Variants in SMYD5 observed in about 807,000 individuals in gnomAD.
SMYD5 encodes the protein protein-lysine N-trimethyltransferase SMYD5.
A neutral mutation model predicts 57.4 loss-of-function variants in SMYD5; 35 were observed. That is an observed-to-expected ratio of 0.61 (90% CI 0.47 to 0.81). The LOEUF is 0.81. Among genes scored for constraint, SMYD5 ranks in the 30% least tolerant of loss-of-function variants. The pLI, the probability that SMYD5 is intolerant of heterozygous loss-of-function variation, is 0.00. For missense variants in SMYD5, 471 were observed against 527.9 expected (o/e 0.89, Z 1.06); for synonymous variants, 198 against 189.7 (o/e 1.04, Z -0.36).
In SMYD5 at chr2:73,220,520, A is replaced by G. The variant is rs1478304521; in HGVS notation, c.346-141A>G. 4.8e-5 allele frequency: 48 copies of G among 1,008,318 alleles called. No individual in the cohort carries two copies. The Admixed American group carries it at 1.1e-3, about 23-fold the overall frequency. The allele number at this position is 1,008,318 out of a possible 1,614,324, so 62.5% of individuals were successfully genotyped here. A position where few individuals can be genotyped will look rare whatever the true frequency, so the allele number is the denominator to read the frequency against. On this transcript the variant is annotated intron_variant, in intron 3 of 12. Transcript: ENST00000389501. ...TTGCAAGCCTAGGTGTGCCTTTCACATATCCCCAGAGCACCCTATGTTTTC... is the reference window on the plus strand; with the variant it reads ...TTGCAAGCCTAGGTGTGCCTTTCACGTATCCCCAGAGCACCCTATGTTTTC...
chr2:73,221,031 A>C lies in SMYD5; in HGVS notation c.468-134A>C, dbSNP rs372993095. The C allele has an allele frequency of 5.1e-4, 457 of 894,776 alleles. 6 individuals carry two copies. In the South Asian group the frequency reaches 6.8e-3, roughly 13 times the overall value. 55.4% of individuals were successfully genotyped at this position (894,776 alleles called of 1,614,324 possible). A position where few individuals can be genotyped will look rare whatever the true frequency, so the allele number is the denominator to read the frequency against. Reference sequence around the variant, plus strand: ...CAATAGGGATGCAAAGTCTTGCCTAAGTCCTTGTCTATGACTTTCCTGGTA... The same window carrying C: ...CAATAGGGATGCAAAGTCTTGCCTACGTCCTTGTCTATGACTTTCCTGGTA... On this transcript the variant is annotated intron_variant, in intron 4 of 12. Coordinates refer to ENST00000389501, the MANE Select transcript of SMYD5 (RefSeq NM_006062.3).
intron 6 of SMYD5, among the ~76,000 whole-genome samples, chr2:73,222,293 GT>G (rs1439188872): frequency 3.3e-5 from 5 of 152,224 alleles, no homozygotes; most frequent in African/African-American, 1.2e-4. Flanking sequence ...CTGAGAACCC[GT>G]TCCCAATCAA....
chr2:73,214,301 G>A lies in SMYD5; in HGVS notation c.35G>A (p.Cys12Tyr). The stretch of plus-strand genomic sequence containing the variant: ...TCCATGTGCGACGTGTTCTCCTTCT[G>A]CGTGGGCGTGGCGGGCCGCGCGCGG... ...AASMCDVFSF[C>Y]VGVAGRARVS... Residue 12 changes from cysteine (C) to tyrosine (Y), a missense_variant, in exon 1 of 13, where the codon TGC (cysteine) becomes TAC (tyrosine). Coordinates refer to ENST00000389501, the MANE Select transcript of SMYD5 (RefSeq NM_006062.3). 1.2e-6 allele frequency: 2 copies of A among 1,613,948 alleles called. No individual in the cohort carries two copies.
intron 4 of SMYD5, 26 bp from the exon 5 acceptor site, chr2:73,221,139 G>A: frequency 6.2e-7 from 1 of 1,606,276 alleles, no homozygotes; most frequent in East Asian, 2.2e-5. Flanking sequence ...AGAATTTCTA[G>A]GCCAATCTTT....
chr2:73,214,653 C>T, intron 1 of SMYD5: 2 of 1,480,524 alleles, frequency 1.4e-6, no homozygotes, highest in South Asian at 2.4e-5. Flanking sequence ...GGGGGCTTTG[C>T]TGCTGTATCC....
chr2:73,223,004 A>G (rs773029364), intron 7 of SMYD5, 32 bp from the exon 8 acceptor site: 2 of 1,595,432 alleles, frequency 1.3e-6, no homozygotes, highest in Non-Finnish European at 1.7e-6. Flanking sequence ...CAGTGGCTGT[A>G]ATGAGCACTC....
At chr2:73,225,512 G>C (rs1473172154) in intron 11 of SMYD5, 119 bp from the exon 12 acceptor site, 2 of 907,412 alleles carry the variant, frequency 2.2e-6, no homozygotes, top group Admixed American at 4.1e-5. Context: ...TCACTGAAGG[G>C]CAACGCAAAC....
Position 73,224,851 on chromosome 2 carries a change from C to A in SMYD5, c.941-15C>A. ...TTTAGTCAATAATCCTCATTACCTG[C>A]CTCTTATGATCCAGGCAACCACAGT... On this transcript the variant is annotated splice_polypyrimidine_tract_variant and intron_variant, in intron 10 of 12. Coordinates refer to ENST00000389501, the MANE Select transcript of SMYD5 (RefSeq NM_006062.3). The A allele has an allele frequency of 6.3e-7, 1 of 1,588,474 alleles. No homozygotes were observed. The highest frequency in any genetic ancestry group is 8.6e-7 in the Non-Finnish European group (1 of 1,158,742).
chr2:73,223,162 G>A (rs923881402), intron 8 of SMYD5, 56 bp downstream of exon 8: 25 of 1,415,760 alleles, frequency 1.8e-5, no homozygotes, highest in Non-Finnish European at 2.2e-5. Context: ...ACTGAGGAAG[G>A]TAGCCACAGT....
At chr2:73,214,941 A>G in intron 1 of SMYD5, 1 of 592,142 alleles carries the variant, frequency 1.7e-6, no homozygotes, top group Non-Finnish European at 2.1e-6. Context: ...AAGGAAAGAA[A>G]ATACAAAAAT....
rs369670828 is a variant in SMYD5 at position 73,214,389 on chromosome 2, A to G, written c.96+27A>G. ...TGAGGTCGGGGCGGGTCCTGCCGGG[A>G]GCCTCTCCCCAGTCCGGCCATGGAG... On this transcript the variant is annotated intron_variant, in intron 1 of 12. Transcript: ENST00000389501. 1.4e-5 allele frequency: 23 copies of G among 1,610,678 alleles called. No individual in the cohort carries two copies. In the East Asian group the frequency reaches 2.0e-4, roughly 14 times the overall value.
chr2:73,218,868 G>A lies in SMYD5; in HGVS notation c.104G>A (p.Gly35Glu). 6.2e-7 allele frequency: 1 copy of A among 1,612,768 alleles called. No individual in the cohort carries two copies. Among genetic ancestry groups the A allele is most frequent in the Non-Finnish European group, 8.5e-7 (1 of 1,178,748 alleles). ...VRFVSSAKGKGLFATQLIRKG... is the reference protein window; with the variant it reads ...VRFVSSAKGKELFATQLIRKG... ...ATCCCTCTGCCCTCTCAGGGAAAGG[G>A]GCTGTTTGCCACACAGCTCATCCGG... The change falls in exon 2 of 13, where the codon GGG becomes GAG. Residue 35 changes from glycine (G) to glutamate (E), a missense_variant. Physicochemically the swap from Gly to Glu is moderately conservative, Grantham distance 98 (BLOSUM62 -2). Transcript: ENST00000389501.
chr2:73,222,207 C>T (rs1015848353), intron 6 of SMYD5, among the ~76,000 whole-genome samples: 3 of 152,180 alleles, frequency 2.0e-5, no homozygotes, highest in South Asian at 2.1e-4. Flanking sequence ...AGGCAGGACT[C>T]GTCATAGGAT....
At chr2:73,220,220 G>C in intron 3 of SMYD5, 30 bp downstream of exon 3, 1 of 1,610,426 alleles carries the variant, frequency 6.2e-7, no homozygotes, top group Non-Finnish European at 8.5e-7. Context: ...GTACCTGGAA[G>C]GGGGTGGGTG....
rs1313664833 is a variant in SMYD5, at chr2:73,226,088, G to C, written c.*142G>C. ...GCCCTCTCTGCTAGAGGGTAGGAGA[G>C]AGCCTGGATCTCTGGCCCCAACCCC... On this transcript the variant is annotated 3_prime_UTR_variant, in exon 13 of 13. Transcript: ENST00000389501. The C allele has an allele frequency of 3.6e-5, 44 of 1,207,012 alleles. No individual in the cohort carries two copies. Among genetic ancestry groups the C allele is most frequent in the Non-Finnish European group, 4.5e-5 (40 of 887,550 alleles). 74.8% of individuals were successfully genotyped at this position (1,207,012 alleles called of 1,614,324 possible).
Position 73,220,070 on chromosome 2 carries a change from G to A in SMYD5, c.225G>A (p.Arg75=), listed in dbSNP as rs763488196. 4 of 1,614,092 alleles carry A rather than the reference G, an allele frequency of 2.5e-6. No individual in the cohort carries two copies. The East Asian group carries it at 8.9e-5, about 36-fold the overall frequency. ...YRYRACDHCL[R]ALEKAEENAQ... ...CGTCAGCCTGTGACCACTGCCTTAGGGCACTAGAGAAGGCAGAGGAGAATG... is the reference window on the plus strand; with the variant it reads ...CGTCAGCCTGTGACCACTGCCTTAGAGCACTAGAGAAGGCAGAGGAGAATG... The change falls in exon 3 of 13, where the codon AGG becomes AGA. Residue 75 remains arginine, a synonymous_variant. Coordinates refer to ENST00000389501, the MANE Select transcript of SMYD5 (RefSeq NM_006062.3).
chr2:73,218,938 G>C lies in SMYD5; in HGVS notation c.174G>C (p.Gln58His). Residue 58 changes from glutamine to histidine, a missense_variant, in exon 2 of 13, where the codon CAG (glutamine) becomes CAC (histidine). Transcript: ENST00000389501. ...TAGAACGGCCCCTGGTGGCTGCACA[G>C]TTTCTCTGGAATGCACTTTATCGCT... is the stretch of plus-strand genomic sequence containing the variant. ...IFVERPLVAA[Q>H]FLWNALYRYR... is the part of the protein sequence containing the mutation. 1 of 1,614,112 alleles carries C rather than the reference G, an allele frequency of 6.2e-7. No individual in the cohort carries two copies. Among genetic ancestry groups the C allele is most frequent in the East Asian group, 2.2e-5 (1 of 44,882 alleles).
chr2:73,214,462 C>A, intron 1 of SMYD5, 100 bp downstream of exon 1: 1 of 1,580,782 alleles, frequency 6.3e-7, no homozygotes, highest in Non-Finnish European at 8.6e-7. Context: ...TTCTGTGCCG[C>A]TCGGACGCTA....
At chr2:73,214,516 C>T (rs1047836187) in intron 1 of SMYD5, 154 bp downstream of exon 1, 11 of 1,487,120 alleles carry the variant, frequency 7.4e-6, no homozygotes, top group Admixed American at 2.3e-5. Flanking sequence ...CAGTCTGTCC[C>T]TGCGCGCAGG....
Sources: gnomAD v4.1 joint callset for allele counts (sites outside exome capture counted in the v4.1 genomes callset) on GRCh38, gnomAD v4.1.1 for gene constraint, MANE v1.5 for transcripts, NCBI Gene and HGNC (gene_info 2026-07-23, HGNC 2026-07-21) for gene names.